LRP2: variants seen among roughly 807,000 people sequenced by gnomAD.
LRP2 encodes low-density lipoprotein receptor-related protein 2.
Under a neutral mutation model 531.0 loss-of-function variants are expected in LRP2, and 172 were observed. The observed-to-expected ratio is 0.32, with a 90% CI of 0.29 to 0.37. LRP2 has a LOEUF of 0.37. Ranked by LOEUF, LRP2 falls within the 10% of genes least tolerant of loss-of-function variation. The pLI is 1.00. For synonymous variants in LRP2, 1,992 were observed against 2,027.6 expected (o/e 0.98, Z 0.47); for missense variants, 5,167 against 5,868.3 (o/e 0.88, Z 3.90).
At chr2:169,263,967 A>G (rs369432613) in intron 16 of LRP2, among the ~76,000 whole-genome samples, 1 of 152,262 alleles carries the variant, frequency 6.6e-6, no homozygotes, top group East Asian at 1.9e-4. Context: ...GAAATTGGAA[A>G]TCATCATTCT....
At chr2:169,309,294 T>C (rs1159321955) in intron 3 of LRP2, among the ~76,000 whole-genome samples, 1 of 152,210 alleles carries the variant, frequency 6.6e-6, no homozygotes, top group Non-Finnish European at 1.5e-5. Flanking sequence ...ATGAAGTCCT[T>C]GCCCATGTCT....
intron 1 of LRP2, among the ~76,000 whole-genome samples, chr2:169,327,095 GC>G (rs1306441298): frequency 2.0e-5 from 3 of 150,712 alleles, no homozygotes; most frequent in Non-Finnish European, 3.0e-5. Flanking sequence ...GGGGGGGTCA[GC>G]CCCCCGCCCG....
intron 1 of LRP2, among the ~76,000 whole-genome samples, chr2:169,359,577 A>G (rs1025362702): frequency 3.9e-5 from 6 of 152,212 alleles, no homozygotes; most frequent in African/African-American, 1.4e-4. Context: ...GATCATTACA[A>G]CAGGATTCTA....
chr2:169,224,048 T>G lies in LRP2; in HGVS notation c.5538+1262A>C, dbSNP rs75300518. 5.6e-3 allele frequency among the ~76,000 whole-genome samples: 850 copies of G among 152,346 alleles called. 4 individuals carry two copies. The highest frequency in any genetic ancestry group is 0.02 in the African/African-American group (819 of 41,580). On this transcript the variant is annotated intron_variant, in intron 33 of 78. Coordinates refer to ENST00000649046, the MANE Select transcript of LRP2 (RefSeq NM_004525.3). ...GATACATTCCAAGATCACCAAGGGA[T>G]GCATGAAACCTCAGATAGTACCGAA...
At chr2:169,257,024 CA>C in intron 18 of LRP2, 99 bp downstream of exon 18, 1 of 1,337,760 alleles carries the variant, frequency 7.5e-7, no homozygotes, top group Non-Finnish European at 1.1e-6. Flanking sequence ...CGAGGGCAAG[CA>C]GTACCAGTTT....
rs2075254 is a variant in LRP2, at chr2:169,243,389, G to A, written c.3550+14C>T. 783,801 of 1,610,778 alleles carry A rather than the reference G, an allele frequency of 0.49. 198,121 individuals carry two copies. Among genetic ancestry groups the A allele is most frequent in the South Asian group, 0.74 (67,446 of 91,010 alleles). ...AATAAACATTGTGAATAAAAAAGAA[G>A]GCAATGCACTTACCACAACCAACCT... On this transcript the variant is annotated intron_variant, in intron 23 of 78. Coordinates refer to ENST00000649046, the MANE Select transcript of LRP2 (RefSeq NM_004525.3).
chr2:169,321,283 G>T (rs1216958961), intron 1 of LRP2, among the ~76,000 whole-genome samples: 1 of 152,142 alleles, frequency 6.6e-6, no homozygotes, highest in Admixed American at 6.5e-5. Flanking sequence ...AACAAAGGAA[G>T]TTGCAAACCT....
intron 55 of LRP2, among the ~76,000 whole-genome samples, chr2:169,174,476 C>T (rs979496160): frequency 2.0e-5 from 3 of 152,112 alleles, no homozygotes; most frequent in African/African-American, 7.2e-5. Flanking sequence ...GTGTTTGTTA[C>T]TGTTATTGAT....
chr2:169,130,594 T>C (rs958170578), intron 77 of LRP2, among the ~76,000 whole-genome samples: 7 of 152,204 alleles, frequency 4.6e-5, no homozygotes, highest in Non-Finnish European at 7.3e-5. Flanking sequence ...CCCATGTTTT[T>C]AATTGTTAGT....
intron 44 of LRP2, among the ~76,000 whole-genome samples, chr2:169,199,498 A>C (rs1688119612): frequency 6.6e-6 from 1 of 152,222 alleles, no homozygotes; most frequent in Admixed American, 6.5e-5. Flanking sequence ...CAGAGGAAGC[A>C]GAAAGGAGAG....
At chr2:169,348,307 G>C (rs546839347) in intron 1 of LRP2, among the ~76,000 whole-genome samples, 3 of 152,262 alleles carry the variant, frequency 2.0e-5, no homozygotes, top group East Asian at 3.9e-4. Flanking sequence ...GTCCTCAAAA[G>C]AATGGGGACT....
chr2:169,243,617 C>A, intron 22 of LRP2, 95 bp from the exon 23 acceptor site: 1 of 1,438,940 alleles, frequency 6.9e-7, no homozygotes, highest in South Asian at 1.2e-5. Context: ...CAGAAGTTAT[C>A]TCAATTGTAC....
chr2:169,273,194 C>A, intron 14 of LRP2, 127 bp from the exon 15 acceptor site: 1 of 1,062,702 alleles, frequency 9.4e-7, no homozygotes. Context: ...GTGTTGAAAA[C>A]ATTACTACTG....
intron 62 of LRP2, among the ~76,000 whole-genome samples, chr2:169,163,121 G>A (rs1019775863): frequency 6.6e-6 from 1 of 152,218 alleles, no homozygotes; most frequent in Admixed American, 6.5e-5. Context: ...ACTGATAGTG[G>A]AGGCAGGAAA....
At chr2:169,348,502 C>T (rs182659065) in intron 1 of LRP2, among the ~76,000 whole-genome samples, 2 of 152,260 alleles carry the variant, frequency 1.3e-5, no homozygotes, top group East Asian at 3.9e-4. Flanking sequence ...AGAAACCACT[C>T]CCCTCTTCAA....
chr2:169,142,157 GA>G (rs1002732508), intron 71 of LRP2, among the ~76,000 whole-genome samples: 4 of 152,104 alleles, frequency 2.6e-5, no homozygotes, highest in African/African-American at 7.2e-5. Context: ...AAGAGTCATT[GA>G]AAAAAAGTCT....
chr2:169,169,627 G>A (rs763601521), intron 60 of LRP2, 75 bp downstream of exon 60: 35 of 1,095,726 alleles, frequency 3.2e-5, no homozygotes, highest in Non-Finnish European at 4.2e-6. Context: ...CTAAGAAGCG[G>A]CAGCGGACTG....
chr2:169,201,821 A>G lies in LRP2; in HGVS notation c.8259T>C (p.Cys2753=). 1 of 1,614,216 alleles carries G rather than the reference A, an allele frequency of 6.2e-7. No homozygotes were observed. The highest frequency in any genetic ancestry group is 8.5e-7 in the Non-Finnish European group (1 of 1,180,028). ...AATCACAGCGGTAAGAGTATTGGAC[A>G]CATCGCCCATTGGCACAGGTGAAGG... The part of the protein sequence containing the change: ...PTAFTCANGR[C]VQYSYRCDYY... The change falls in exon 44 of 79, where the codon TGT becomes TGC. Residue 2753 remains cysteine, a synonymous_variant. Transcript: ENST00000649046.
At chr2:169,272,383 G>T (rs1683440670) in intron 15 of LRP2, among the ~76,000 whole-genome samples, 1 of 152,134 alleles carries the variant, frequency 6.6e-6, no homozygotes, top group Non-Finnish European at 1.5e-5. Context: ...GAAAAACTGT[G>T]TGAGTAACTG....
Sources: gnomAD v4.1 joint callset for allele counts (sites outside exome capture counted in the v4.1 genomes callset) on GRCh38, gnomAD v4.1.1 for gene constraint, MANE v1.5 for transcripts, NCBI Gene and HGNC (gene_info 2026-07-23, HGNC 2026-07-21) for gene names.